SLC22A16: variants seen among roughly 807,000 people sequenced by gnomAD.
The protein encoded by SLC22A16 is solute carrier family 22 member 16.
A neutral mutation model predicts 52.9 loss-of-function variants in SLC22A16; 53 were observed. That is an observed-to-expected ratio of 1.00 (90% CI 0.80 to 1.26). The LOEUF (loss-of-function observed/expected upper bound fraction) is 1.26. SLC22A16 is among the 50% of genes most tolerant of loss of function. The pLI is 0.00. For missense variants in SLC22A16, 726 were observed against 704.0 expected (o/e 1.03, Z -0.35); for synonymous variants, 291 against 268.8 (o/e 1.08, Z -0.81).
At position 110,442,326 on chromosome 6, in the gene SLC22A16, G is replaced by A. The variant is rs1422609544; in HGVS notation, c.1101C>T (p.Phe367=). ...KRTLTVWLIW[F]TGSLGFYSFS... is the part of the protein sequence containing the mutation. ...ACGAGTAGAATCCCAAACTTCCAGT[G>A]AACCAGATTAGCCAAACGGTAAGTG... Residue 367 remains phenylalanine (F), a synonymous_variant, in exon 4 of 8, where the codon TTC becomes TTT. Coordinates refer to ENST00000368919, the MANE Select transcript of SLC22A16 (RefSeq NM_033125.4). The A allele has an allele frequency of 1.9e-6, 3 of 1,614,076 alleles. No homozygotes were observed. In the East Asian group the frequency reaches 6.7e-5, roughly 36 times the overall value.
At chr6:110,461,385 G>A (rs1175590419) in intron 1 of SLC22A16, among the ~76,000 whole-genome samples, 1 of 152,160 alleles carries the variant, frequency 6.6e-6, no homozygotes, top group Non-Finnish European at 1.5e-5. Flanking sequence ...GTTCTTGTCT[G>A]CCCAGGATGA....
chr6:110,471,831 A>G (rs1776270821), intron 1 of SLC22A16, among the ~76,000 whole-genome samples: 2 of 152,170 alleles, frequency 1.3e-5, no homozygotes, highest in Non-Finnish European at 1.5e-5. Flanking sequence ...TAATATATCA[A>G]TTTAAAAGTT....
intron 7 of SLC22A16, among the ~76,000 whole-genome samples, chr6:110,430,762 T>C (rs553197670): frequency 5.9e-5 from 9 of 152,296 alleles, no homozygotes; most frequent in African/African-American, 9.6e-5. Context: ...TCACATAATC[T>C]TTTTGGAGCA....
In SLC22A16 at chr6:110,431,191, T is replaced by G. The variant is rs1774485819; in HGVS notation, c.1501A>C (p.Ile501Leu). 6.2e-7 allele frequency: 1 copy of G among 1,613,782 alleles called. No homozygotes were observed. The highest frequency in any genetic ancestry group is 8.5e-7 in the Non-Finnish European group (1 of 1,179,984). ...LAPFSVDLSS[I>L]WIFIPQLFVG... ...CACACCTGTGGTATGAAGATCCAAA[T>G]GCTGCTGAGGTCCACAGAGAACGGC... The change falls in exon 7 of 8, where the codon ATT (isoleucine) becomes CTT (leucine). Residue 501 changes from isoleucine (I) to leucine (L), a missense_variant. Coordinates refer to ENST00000368919, the MANE Select transcript of SLC22A16 (RefSeq NM_033125.4).
At chr6:110,432,480 T>G (rs1302606005) in intron 6 of SLC22A16, among the ~76,000 whole-genome samples, 1 of 152,242 alleles carries the variant, frequency 6.6e-6, no homozygotes. Flanking sequence ...GAGTCTAATA[T>G]GTGCCAGGCA....
chr6:110,429,661 A>G (rs1774416598), intron 7 of SLC22A16, among the ~76,000 whole-genome samples: 1 of 152,202 alleles, frequency 6.6e-6, no homozygotes, highest in Non-Finnish European at 1.5e-5. Context: ...CTGCTCTGCA[A>G]AGCACAACAG....
At chr6:110,451,774 A>G (rs887922157) in intron 2 of SLC22A16, among the ~76,000 whole-genome samples, 1 of 152,216 alleles carries the variant, frequency 6.6e-6, no homozygotes, top group Non-Finnish European at 1.5e-5. Flanking sequence ...TAATGAAGTC[A>G]AATTTATCCA....
intron 1 of SLC22A16, among the ~76,000 whole-genome samples, chr6:110,475,757 T>A (rs1776442442): frequency 6.6e-6 from 1 of 152,134 alleles, no homozygotes; most frequent in African/African-American, 2.4e-5. Context: ...CAAAACACTC[T>A]GAGTCAGATA....
At chr6:110,438,578 A>T in intron 5 of SLC22A16, 142 bp downstream of exon 5, 1 of 814,844 alleles carries the variant, frequency 1.2e-6, no homozygotes, top group Non-Finnish European at 1.7e-6. Context: ...AGAATGTTTT[A>T]AAGAAAACAG....
At chr6:110,428,478 T>C (rs1774364859) in intron 7 of SLC22A16, among the ~76,000 whole-genome samples, 1 of 152,218 alleles carries the variant, frequency 6.6e-6, no homozygotes, top group African/African-American at 2.4e-5. Flanking sequence ...GTATTTGGGT[T>C]CAAATCCCAG....
intron 2 of SLC22A16, among the ~76,000 whole-genome samples, chr6:110,452,951 A>C (rs1775441941): frequency 6.6e-6 from 1 of 152,128 alleles, no homozygotes; most frequent in African/African-American, 2.4e-5. Context: ...AGCCTCCATA[A>C]ATTTTAATCT....
intron 1 of SLC22A16, among the ~76,000 whole-genome samples, chr6:110,466,098 A>G (rs1017779765): frequency 6.6e-6 from 1 of 152,238 alleles, no homozygotes; most frequent in African/African-American, 2.4e-5. Flanking sequence ...CAGAAGAATG[A>G]AACTGGATCC....
chr6:110,442,211 A>G, intron 4 of SLC22A16, 33 bp downstream of exon 4: 1 of 1,586,338 alleles, frequency 6.3e-7, no homozygotes, highest in Non-Finnish European at 8.6e-7. Flanking sequence ...ATCTCACTTC[A>G]CTGCCAAATT....
rs74473418 is a variant in SLC22A16, at chr6:110,471,384, T to G, written c.53+5138A>C. Among the ~76,000 whole-genome samples the G allele has an allele frequency of 8.7e-3, 1,329 of 152,266 alleles. 15 individuals carry two copies. Among genetic ancestry groups the G allele is most frequent in the African/African-American group, 0.031 (1,285 of 41,540 alleles). On this transcript the variant is annotated intron_variant, in intron 1 of 7. Transcript: ENST00000368919. ...CAACAAAATCACCTAACGATGAACTTCTCAGAAGTATCTCTGTCGTTAAGC... is the reference window on the plus strand; with the variant it reads ...CAACAAAATCACCTAACGATGAACTGCTCAGAAGTATCTCTGTCGTTAAGC...
At chr6:110,430,708 A>G (rs1774461800) in intron 7 of SLC22A16, among the ~76,000 whole-genome samples, 1 of 152,212 alleles carries the variant, frequency 6.6e-6, no homozygotes, top group Non-Finnish European at 1.5e-5. Flanking sequence ...CCTCAGGTTC[A>G]GGTCAACTGA....
At chr6:110,463,421 G>A (rs980478171) in intron 1 of SLC22A16, among the ~76,000 whole-genome samples, 1 of 149,614 alleles carries the variant, frequency 6.7e-6, no homozygotes, top group Non-Finnish European at 1.5e-5. Context: ...AAAGTAAAGG[G>A]GGGTAAAAAG....
Position 110,442,592 on chromosome 6 carries a change from C to A in SLC22A16, c.835G>T (p.Val279Phe), listed in dbSNP as rs369295225. The stretch of plus-strand genomic sequence containing the variant: ...ACCCAACAGCACAGGATAAAGGGGA[C>A]AGTCACTGTGGAGAGGATCATCTGG... Reference protein sequence around the residue: ...LYQMILSTVTVPFILCCWVLP... With the variant: ...LYQMILSTVTFPFILCCWVLP... The change falls in exon 4 of 8, where the codon GTC (valine) becomes TTC (phenylalanine). Residue 279 changes from valine (V) to phenylalanine (F), a missense_variant. Transcript: ENST00000368919. 1 of 1,614,160 alleles carries A rather than the reference C, an allele frequency of 6.2e-7. No individual in the cohort carries two copies. Among genetic ancestry groups the A allele is most frequent in the Non-Finnish European group, 8.5e-7 (1 of 1,180,034 alleles).
chr6:110,456,402 G>A lies in SLC22A16; in HGVS notation c.533+136C>T, dbSNP rs144305219. On this transcript the variant is annotated intron_variant, in intron 2 of 7. Transcript: ENST00000368919. ...TATCATTATACATCCCTAAATAATG[G>A]ATCAGCAAAGAGGTAGGTATTTAGA... 1,414 of 1,083,808 alleles carry A rather than the reference G, an allele frequency of 1.3e-3. 17 individuals are homozygous for A. The African/African-American group carries it at 0.02, about 16-fold the overall frequency. The allele number at this position is 1,083,808 out of a possible 1,614,324, so 67.1% of individuals were successfully genotyped here.
chr6:110,437,943 A>T (rs1774797083), intron 5 of SLC22A16, among the ~76,000 whole-genome samples: 1 of 152,182 alleles, frequency 6.6e-6, no homozygotes, highest in Non-Finnish European at 1.5e-5. Flanking sequence ...TCCTGCAATG[A>T]AAAACAGTGT....
Sources: allele counts gnomAD v4.1 joint callset (sites outside exome capture counted in the v4.1 genomes callset), GRCh38; gene constraint gnomAD v4.1.1; transcripts MANE v1.5; gene names NCBI Gene and HGNC (gene_info 2026-07-23, HGNC 2026-07-21).